Variants in MTMR14 observed in about 807,000 individuals in gnomAD.
The protein encoded by MTMR14 is myotubularin related protein 14.
MTMR14 carries 48 observed loss-of-function variants against 86.3 expected under a neutral mutation model. The ratio of observed to expected loss-of-function variants is 0.56; its 90% CI spans 0.44 to 0.71. The LOEUF is 0.71. Among genes scored for constraint, MTMR14 ranks in the 30% least tolerant of loss-of-function variants. MTMR14 has a pLI of 0.00. For missense variants in MTMR14, 780 were observed against 834.6 expected (o/e 0.93, Z 0.81); for synonymous variants, 366 against 326.1 (o/e 1.12, Z -1.32).
chr3:9,663,985 C>T (rs9834774), intron 3 of MTMR14, among the ~76,000 whole-genome samples: 3,669 of 150,710 alleles, frequency 0.024, 87 homozygotes, highest in African/African-American at 0.065. Context: ...GACGGGGTTT[C>T]GCCATGGTGG....
chr3:9,681,729 GCAGTTCCCT>G (rs1488628078), intron 9 of MTMR14, among the ~76,000 whole-genome samples: 1 of 152,170 alleles, frequency 6.6e-6, no homozygotes, highest in Non-Finnish European at 1.5e-5. Flanking sequence ...ATCACTTTGA[GCAGTTCCCT>G]CAGACTTCTG....
At position 9,684,042 on chromosome 3, in the gene MTMR14, C is replaced by T. The variant is rs1280997183; in HGVS notation, c.965-543C>T. The stretch of plus-strand genomic sequence containing the variant: ...GATTTGCCACAAAGTCGCATGCCAG[C>T]CCCTGGAGCCAGGCACTGGTTCTCT... On this transcript the variant is annotated intron_variant, in intron 10 of 18. Coordinates refer to ENST00000296003, the MANE Select transcript of MTMR14 (RefSeq NM_001077525.3). Among the ~76,000 whole-genome samples, 4 of 152,166 alleles carry T rather than the reference C, an allele frequency of 2.6e-5. No individual in the cohort carries two copies. In the South Asian group the frequency reaches 8.3e-4, roughly 32 times the overall value.
chr3:9,694,312 A>G (rs1428791943), intron 17 of MTMR14, among the ~76,000 whole-genome samples: 2 of 148,656 alleles, frequency 1.3e-5, no homozygotes, highest in Non-Finnish European at 3.0e-5. Flanking sequence ...AAAGGGGGAA[A>G]AATGATTCAG....
rs546417479 is a variant in MTMR14, at chr3:9,683,489, T to C, written c.964+245T>C. Reference sequence around the variant, plus strand: ...CTTACCATCTATGCCGTGCACAGGGTATTTTCACACTGTCTCAGCATTGCA... The same window carrying C: ...CTTACCATCTATGCCGTGCACAGGGCATTTTCACACTGTCTCAGCATTGCA... On this transcript the variant is annotated intron_variant, in intron 10 of 18. Coordinates refer to ENST00000296003, the MANE Select transcript of MTMR14 (RefSeq NM_001077525.3). 7.9e-6 allele frequency: 4 copies of C among 507,222 alleles called. No homozygotes were observed. In the Admixed American group the frequency reaches 1.3e-4, roughly 16 times the overall value. The allele number at this position is 507,222 out of a possible 1,614,324, so 31.4% of individuals were successfully genotyped here. A position where few individuals can be genotyped will look rare whatever the true frequency, so the allele number is the denominator to read the frequency against.
chr3:9,674,979 C>T (rs776547094), intron 7 of MTMR14, among the ~76,000 whole-genome samples: 84 of 152,330 alleles, frequency 5.5e-4, no homozygotes, highest in Non-Finnish European at 1.0e-3. Flanking sequence ...GGCGCGGTGG[C>T]GCATGCCTGT....
intron 13 of MTMR14, among the ~76,000 whole-genome samples, chr3:9,686,825 C>T (rs1210681665): frequency 6.6e-6 from 1 of 152,178 alleles, no homozygotes; most frequent in Non-Finnish European, 1.5e-5. Flanking sequence ...GGAATCACCA[C>T]AGAAATGGAA....
chr3:9,697,578 TA>T, intron 17 of MTMR14, 132 bp from the exon 18 acceptor site: 1 of 1,041,462 alleles, frequency 9.6e-7, no homozygotes, highest in Non-Finnish European at 1.4e-6. Context: ...CTTTTTTTTT[TA>T]GACTTTTGGA....
Position 9,683,229 on chromosome 3 carries a change from T to A in MTMR14, c.949T>A (p.Leu317Ile), listed in dbSNP as rs2075827955. 6.2e-7 allele frequency: 1 copy of A among 1,614,082 alleles called. No individual in the cohort carries two copies. Among genetic ancestry groups the A allele is most frequent in the African/African-American group, 1.3e-5 (1 of 74,934 alleles). The change falls in exon 10 of 19, where the codon TTA becomes ATA. Residue 317 changes from leucine (L) to isoleucine (I), a missense_variant. By Grantham distance (5) the Leu-to-Ile change is conservative. Transcript: ENST00000296003. Reference sequence around the variant, plus strand: ...AAACTACCTGAAGCTGCTGCTTTCCTTAGTTAACAGTGATGGTGAGTCTGT... The same window carrying A: ...AAACTACCTGAAGCTGCTGCTTTCCATAGTTAACAGTGATGGTGAGTCTGT... Reference protein sequence around the residue: ...TQNYLKLLLSLVNSDDDSGLL... With the variant: ...TQNYLKLLLSIVNSDDDSGLL...
chr3:9,675,748 A>C, intron 7 of MTMR14: 1 of 456,006 alleles, frequency 2.2e-6, no homozygotes, highest in South Asian at 1.5e-5. Flanking sequence ...TCTGCATCAT[A>C]GGCGGGTCTG....
At chr3:9,665,963 G>A (rs758608266) in intron 3 of MTMR14, among the ~76,000 whole-genome samples, 2 of 151,756 alleles carry the variant, frequency 1.3e-5, no homozygotes, top group Non-Finnish European at 2.9e-5. Context: ...TCCTGACCTC[G>A]TGATCCGCCC....
At chr3:9,668,859 G>C in intron 4 of MTMR14, 65 bp downstream of exon 4, 3 of 1,552,816 alleles carry the variant, frequency 1.9e-6, no homozygotes, top group Non-Finnish European at 2.7e-6. Context: ...AGCTACCCGG[G>C]CCGGGCGCCA....
chr3:9,660,271 T>G (rs1014237610), intron 2 of MTMR14, among the ~76,000 whole-genome samples: 3 of 152,008 alleles, frequency 2.0e-5, no homozygotes, highest in Non-Finnish European at 2.9e-5. Context: ...CTTTTTTTTT[T>G]TTCCCCCAGA....
intron 2 of MTMR14, among the ~76,000 whole-genome samples, chr3:9,658,102 G>A (rs2047716593): frequency 6.6e-6 from 1 of 152,150 alleles, no homozygotes; most frequent in Non-Finnish European, 1.5e-5. Context: ...TCCTTGCAAG[G>A]CCTTAAAGTG....
Position 9,690,073 on chromosome 3 carries a change from T to A in MTMR14, c.1543T>A (p.Ser515Thr), listed in dbSNP as rs764804694. 1 of 1,613,476 alleles carries A rather than the reference T, an allele frequency of 6.2e-7. No individual in the cohort carries two copies. The highest frequency in any genetic ancestry group is 1.1e-5 in the South Asian group (1 of 91,030). ...QGLAEARSSS[S>T]SSSNHSDNFF... ...GCTGGCGGAAGCCAGGTCTTCCAGC[T>A]CCTCTTCCTCAAACCATTCTGATAA... The change falls in exon 17 of 19, where the codon TCC becomes ACC. Residue 515 changes from serine to threonine, a missense_variant. Transcript: ENST00000296003.
rs373955083 is a variant in MTMR14 at position 9,701,446 on chromosome 3, G to T, written c.1770-344G>T. ...AGCTACTTGAGGGGCTGAGGTGGGA[G>T]GATGGCTTGAGGCTACAGTGAGCGC... On this transcript the variant is annotated intron_variant, in intron 18 of 18. Coordinates refer to ENST00000296003, the MANE Select transcript of MTMR14 (RefSeq NM_001077525.3). This position sits in a 1 kb window ranked among gnomAD's most constrained non-coding sequence, Gnocchi z 4.2. 160 of 314,108 alleles carry T rather than the reference G, an allele frequency of 5.1e-4. No homozygotes were observed. The highest frequency in any genetic ancestry group is 1.8e-3 in the African/African-American group (70 of 38,402). 19.5% of individuals were successfully genotyped at this position (314,108 alleles called of 1,614,324 possible). A position where few individuals can be genotyped will look rare whatever the true frequency, so the allele number is the denominator to read the frequency against.
intron 2 of MTMR14, among the ~76,000 whole-genome samples, chr3:9,658,750 T>C (rs2047753974): frequency 6.6e-6 from 1 of 152,354 alleles, no homozygotes; most frequent in South Asian, 2.1e-4. Context: ...GTGCCTCTTA[T>C]CTATTAAATA....
At chr3:9,678,875 C>T (rs2075668050) in intron 9 of MTMR14, among the ~76,000 whole-genome samples, 2 of 152,230 alleles carry the variant, frequency 1.3e-5, no homozygotes, top group Non-Finnish European at 2.9e-5. Context: ...CAGGGACCCA[C>T]AGCTTGTGTG....
intron 13 of MTMR14, among the ~76,000 whole-genome samples, chr3:9,686,813 T>C (rs2075973875): frequency 6.6e-6 from 1 of 152,212 alleles, no homozygotes; most frequent in South Asian, 2.1e-4. Context: ...GCCAGGCCTT[T>C]GGGAATCACC....
rs779379096 is a variant in MTMR14, at chr3:9,681,434, G to A, written c.898-1744G>A. Among the ~76,000 whole-genome samples the A allele has an allele frequency of 5.5e-4, 84 of 152,300 alleles. 1 individual carries two copies. The highest frequency in any genetic ancestry group is 9.1e-4 in the Admixed American group (14 of 15,304). On this transcript the variant is annotated intron_variant, in intron 9 of 18. Coordinates refer to ENST00000296003, the MANE Select transcript of MTMR14 (RefSeq NM_001077525.3). Reference sequence around the variant, plus strand: ...CCAAAACAGCCTCTGCCCTCATGGGGATTAGACTAGGAAAAGAGGCAACAA... The same window carrying A: ...CCAAAACAGCCTCTGCCCTCATGGGAATTAGACTAGGAAAAGAGGCAACAA...
Sources: allele counts gnomAD v4.1 joint callset (sites outside exome capture counted in the v4.1 genomes callset), GRCh38; gene constraint gnomAD v4.1.1; non-coding constraint Gnocchi (gnomAD v3.1); transcripts MANE v1.5; gene names NCBI Gene and HGNC (gene_info 2026-07-23, HGNC 2026-07-21).